Variants in TRDN observed in about 807,000 individuals in gnomAD.
The protein encoded by TRDN is triadin in skeletal muscle.
Under a neutral mutation model 149.7 loss-of-function variants are expected in TRDN, and 161 were observed. That is an observed-to-expected ratio of 1.08 (90% CI 0.95 to 1.23). The LOEUF (loss-of-function observed/expected upper bound fraction) is 1.23, where lower values mean the gene tolerates loss of function less well. TRDN is among the 50% of genes most tolerant of loss of function. The pLI is 0.00. For missense variants in TRDN, 896 were observed against 823.5 expected, an observed-to-expected ratio of 1.09 and a Z score of -1.08; for synonymous variants, 294 against 250.5, an observed-to-expected ratio of 1.17 and a Z score of -1.64.
intron 14 of TRDN, among the ~76,000 whole-genome samples, chr6:123,385,015 C>T (rs1177088238): frequency 6.6e-6 from 1 of 152,168 alleles, no homozygotes; most frequent in Non-Finnish European, 1.5e-5. Flanking sequence ...AACATTGAGG[C>T]TCCCAGCACC....
intron 2 of TRDN, among the ~76,000 whole-genome samples, chr6:123,551,484 A>G (rs917406455): frequency 6.6e-6 from 1 of 151,894 alleles, no homozygotes; most frequent in East Asian, 1.9e-4. Flanking sequence ...AACGCAAACT[A>G]AAACTTTTAT....
intron 9 of TRDN, among the ~76,000 whole-genome samples, chr6:123,485,605 G>A (rs1319670539): frequency 6.6e-6 from 1 of 152,038 alleles, no homozygotes; most frequent in Non-Finnish European, 1.5e-5. Flanking sequence ...GAAATGGGTA[G>A]AAAATCACAA....
intron 12 of TRDN, among the ~76,000 whole-genome samples, chr6:123,430,446 G>A (rs967655423): frequency 5.3e-5 from 8 of 152,004 alleles, no homozygotes; most frequent in African/African-American, 1.9e-4. Context: ...GCCAAGCATG[G>A]TGGCATGTGC....
chr6:123,232,494 A>G (rs1775642979), intron 38 of TRDN, among the ~76,000 whole-genome samples: 1 of 152,040 alleles, frequency 6.6e-6, no homozygotes, highest in Non-Finnish European at 1.5e-5. Context: ...AAATGCAAGC[A>G]GAGCAAAAAG....
At chr6:123,508,282 G>A (rs865850484) in intron 7 of TRDN, among the ~76,000 whole-genome samples, 6 of 152,152 alleles carry the variant, frequency 3.9e-5, no homozygotes, top group Admixed American at 2.0e-4. Flanking sequence ...AGTAGAAAGA[G>A]TAGAATCAGA....
At chr6:123,234,258 A>T (rs1003708365) in intron 38 of TRDN, among the ~76,000 whole-genome samples, 3 of 152,068 alleles carry the variant, frequency 2.0e-5, no homozygotes, top group Admixed American at 1.3e-4. Context: ...TGTGACCTCT[A>T]ACAAAACAGA....
chr6:123,281,127 G>A (rs941543058), intron 24 of TRDN, among the ~76,000 whole-genome samples: 25 of 151,560 alleles, frequency 1.6e-4, no homozygotes, highest in African/African-American at 5.1e-4. Flanking sequence ...ATATTCAGGC[G>A]GAAAAAAAAG....
At position 123,485,787 on chromosome 6, in the gene TRDN, G is replaced by A. The variant is rs183031937; in HGVS notation, c.853+11406C>T. On this transcript the variant is annotated intron_variant, in intron 9 of 40. Transcript: ENST00000334268. ...TGAGGAAAGAGGCTCAGAAAGTTAA[G>A]TAACTTGCCCATGTTCATTTGAAGT... is the stretch of plus-strand genomic sequence containing the variant. Among the ~76,000 whole-genome samples the A allele has an allele frequency of 8.1e-3, 1,226 of 152,192 alleles. 9 individuals carry two copies. The highest frequency in any genetic ancestry group is 0.011 in the Non-Finnish European group (753 of 67,976).
intron 2 of TRDN, among the ~76,000 whole-genome samples, chr6:123,558,600 A>G (rs1191015977): frequency 6.6e-6 from 1 of 152,172 alleles, no homozygotes; most frequent in Non-Finnish European, 1.5e-5. Context: ...TTACAGCCCT[A>G]TACCCTAAAA....
intron 10 of TRDN, chr6:123,457,568 T>C (rs558263753): frequency 1.3e-5 from 6 of 447,124 alleles, no homozygotes; most frequent in South Asian, 9.8e-5. Context: ...TTTTCCTTTT[T>C]TTTTCTTTTG....
At chr6:123,347,091 T>G (rs1456601239) in intron 21 of TRDN, among the ~76,000 whole-genome samples, 2 of 152,086 alleles carry the variant, frequency 1.3e-5, no homozygotes, top group African/African-American at 4.8e-5. Flanking sequence ...AAAGTCACAC[T>G]GAGGCTTGGT....
rs184870503 is a variant in TRDN, at chr6:123,232,069, A to C, written c.1976-7938T>G. On this transcript the variant is annotated intron_variant, in intron 38 of 40. Transcript: ENST00000334268. ...CAGAAGAATTTTGGGTCTTATCCACAAAGAAGTAGATAATGTAGAAAACAA... is the reference window on the plus strand; with the variant it reads ...CAGAAGAATTTTGGGTCTTATCCACCAAGAAGTAGATAATGTAGAAAACAA... Among the ~76,000 whole-genome samples the C allele has an allele frequency of 5.3e-5, 8 of 152,126 alleles. No homozygotes were observed. In the East Asian group the frequency reaches 1.6e-3, roughly 30 times the overall value.
intron 9 of TRDN, chr6:123,471,104 G>A (rs1162622308): frequency 2.6e-5 from 4 of 152,304 alleles, no homozygotes; most frequent in Middle Eastern, 3.4e-3. Flanking sequence ...GATCTTAAAT[G>A]TATGGTCAAT....
intron 7 of TRDN, among the ~76,000 whole-genome samples, chr6:123,511,346 A>G (rs1387720670): frequency 6.6e-6 from 1 of 152,142 alleles, no homozygotes; most frequent in Non-Finnish European, 1.5e-5. Flanking sequence ...AATGTTCCCA[A>G]TGCAAAGAAA....
chr6:123,578,136 A>C (rs931385337), intron 1 of TRDN, among the ~76,000 whole-genome samples: 1 of 152,156 alleles, frequency 6.6e-6, no homozygotes, highest in Non-Finnish European at 1.5e-5. Flanking sequence ...CTAAAGTTTA[A>C]TTAGATCTTG....
chr6:123,255,702 A>C (rs149861780), intron 36 of TRDN, among the ~76,000 whole-genome samples, 165 bp downstream of exon 36: 199 of 152,164 alleles, frequency 1.3e-3, no homozygotes, highest in African/African-American at 4.6e-3. Flanking sequence ...CTACACAATC[A>C]TTTTTATTGT....
rs1342421160 is a variant in TRDN, at chr6:123,218,662, T to C, written c.2129A>G (p.Asp710Gly). The C allele has an allele frequency of 6.2e-7, 1 of 1,610,038 alleles. No homozygotes were observed. Among genetic ancestry groups the C allele is most frequent in the Non-Finnish European group, 8.5e-7 (1 of 1,177,726 alleles). Residue 710 changes from aspartate (D) to glycine (G), a missense_variant, in exon 41 of 41, where the codon GAC becomes GGC. By Grantham distance (94) the Asp-to-Gly change is moderately conservative (BLOSUM62 -1). Transcript: ENST00000334268. ...TTGACCAGAGCTCTCTCCAGGGCGG[T>C]CTGCAGGAGTGAAAGGAAACTGAAA... ...YGFQFPFTPA[D>G]RPGESSGQAN... is the part of the protein sequence containing the mutation.
intron 21 of TRDN, among the ~76,000 whole-genome samples, chr6:123,343,544 G>A (rs569464997): frequency 6.6e-6 from 1 of 151,750 alleles, no homozygotes; most frequent in South Asian, 2.1e-4. Flanking sequence ...CAAAATAAAG[G>A]AGGCTTTTAA....
At chr6:123,609,069 A>G (rs1476651482) in intron 1 of TRDN, among the ~76,000 whole-genome samples, 1 of 152,056 alleles carries the variant, frequency 6.6e-6, no homozygotes, top group African/African-American at 2.4e-5. Context: ...GCTACTTGAG[A>G]GTCTGAGGCA....
Sources: allele counts gnomAD v4.1 joint callset (sites outside exome capture counted in the v4.1 genomes callset), GRCh38; gene constraint gnomAD v4.1.1; transcripts MANE v1.5; gene names NCBI Gene and HGNC (gene_info 2026-07-23, HGNC 2026-07-21).